The following GRM7 variants were observed in gnomAD, a reference collection of about 807,000 sequenced individuals.
GRM7 encodes metabotropic glutamate receptor 7.
Under a neutral mutation model 84.5 loss-of-function variants are expected in GRM7, and 35 were observed. That is an observed-to-expected ratio of 0.41 (90% confidence interval 0.32 to 0.55). GRM7 has a LOEUF of 0.55. Among genes scored for constraint, GRM7 ranks in the 20% least tolerant of loss-of-function variants. The pLI is 0.19. For synonymous variants in GRM7, 487 were observed against 455.1 expected, an observed-to-expected ratio of 1.07 and a Z score of -0.89; for missense variants, 1,003 against 1,194.6, an observed-to-expected ratio of 0.84 and a Z score of 2.36.
intron 1 of GRM7, among the ~76,000 whole-genome samples, chr3:6,955,405 T>C (rs774285579): frequency 2.3e-4 from 35 of 151,802 alleles, no homozygotes; most frequent in Non-Finnish European, 4.4e-4. Context: ...GGCATGGTGG[T>C]GGGAGCCTGT....
intron 1 of GRM7, among the ~76,000 whole-genome samples, chr3:7,016,247 G>A (rs945733908): frequency 5.3e-5 from 8 of 152,234 alleles, no homozygotes; most frequent in Non-Finnish European, 7.4e-5. Flanking sequence ...CCAGGAGGTC[G>A]GTCTAGGGCT....
intron 8 of GRM7, among the ~76,000 whole-genome samples, chr3:7,651,285 A>AAAAAGTGCTGCTTTTACTTCC (rs1698927547): frequency 6.6e-6 from 1 of 152,198 alleles, no homozygotes; most frequent in African/African-American, 2.4e-5. Flanking sequence ...CCTTGGGGAA[A>AAAAAGTGCTGCTTTTACTTCC]AAAAGTGCTG....
intron 2 of GRM7, among the ~76,000 whole-genome samples, chr3:7,152,123 T>G (rs1694305102): frequency 6.6e-6 from 1 of 152,138 alleles, no homozygotes; most frequent in African/African-American, 2.4e-5. Context: ...AAACTGTAAG[T>G]TCCTCAAGAA....
intron 1 of GRM7, among the ~76,000 whole-genome samples, chr3:7,048,578 C>A (rs1380862271): frequency 2.6e-5 from 4 of 151,524 alleles, no homozygotes; most frequent in African/African-American, 4.8e-5. Flanking sequence ...CTTTACTTCC[C>A]CATTTTTCTC....
At chr3:7,643,435 A>G (rs899238831) in intron 8 of GRM7, among the ~76,000 whole-genome samples, 1 of 152,180 alleles carries the variant, frequency 6.6e-6, no homozygotes, top group African/African-American at 2.4e-5. Flanking sequence ...TCTAAAATAA[A>G]GGTGGCCAGG....
intron 4 of GRM7, among the ~76,000 whole-genome samples, chr3:7,346,685 A>G (rs914761340): frequency 3.4e-5 from 5 of 147,720 alleles, no homozygotes; most frequent in African/African-American, 1.0e-4. Context: ...TAAGTGAACA[A>G]TTAAAGCACC....
At chr3:7,643,762 A>T (rs1254537341) in intron 8 of GRM7, among the ~76,000 whole-genome samples, 1 of 152,102 alleles carries the variant, frequency 6.6e-6, no homozygotes, top group Non-Finnish European at 1.5e-5. Context: ...TCATCATCAC[A>T]ATTATTGTCC....
At chr3:7,081,773 G>T (rs1381593593) in intron 1 of GRM7, among the ~76,000 whole-genome samples, 1 of 152,086 alleles carries the variant, frequency 6.6e-6, no homozygotes, top group Admixed American at 6.6e-5. Flanking sequence ...ATAAATAAGT[G>T]AAACTGCTTT....
intron 1 of GRM7, among the ~76,000 whole-genome samples, chr3:7,013,605 T>A (rs575748393): frequency 6.6e-6 from 1 of 152,312 alleles, no homozygotes; most frequent in East Asian, 1.9e-4. Flanking sequence ...CTCTCTCTTA[T>A]ATGAGTTCGT....
intron 8 of GRM7, among the ~76,000 whole-genome samples, chr3:7,648,245 A>G (rs1329823780): frequency 8.2e-6 from 1 of 122,620 alleles, no homozygotes; most frequent in Admixed American, 7.9e-5. Flanking sequence ...AGTGCTATAA[A>G]TAGTTTTTTT....
At chr3:7,615,799 T>C (rs1697052808) in intron 8 of GRM7, among the ~76,000 whole-genome samples, 1 of 152,128 alleles carries the variant, frequency 6.6e-6, no homozygotes, top group East Asian at 1.9e-4. Flanking sequence ...TTTGGCTTGG[T>C]ACCTTTTCCC....
rs1694810677 is a variant in GRM7 at position 6,862,913 on chromosome 3, C to T, written c.519+1006C>T. On this transcript the variant is annotated intron_variant, in intron 1 of 9. Coordinates refer to ENST00000357716, the MANE Select transcript of GRM7 (RefSeq NM_000844.4). The surrounding 1 kb of genome is among the most constrained non-coding windows in gnomAD (Gnocchi z 5.2). The stretch of plus-strand genomic sequence containing the variant: ...GAGAAAAAATGGGAGGAAGGCGGAT[C>T]CGGGGCCGCTGAGCGGTGGGTTCTG... 1 of 430,662 alleles carries T rather than the reference C, an allele frequency of 2.3e-6. No homozygotes were observed. The highest frequency in any genetic ancestry group is 4.6e-6 in the Non-Finnish European group (1 of 216,230). 26.7% of individuals were successfully genotyped at this position (430,662 alleles called of 1,614,324 possible). A position where few individuals can be genotyped will look rare whatever the true frequency, so the allele number is the denominator to read the frequency against.
chr3:7,588,585 TG>T (rs1380946531), intron 8 of GRM7, among the ~76,000 whole-genome samples: 4 of 152,138 alleles, frequency 2.6e-5, no homozygotes, highest in Admixed American at 6.5e-5. Context: ...ATGATGGTGT[TG>T]GGGAAGATAA....
At chr3:7,338,139 CA>C (rs1254699091) in intron 4 of GRM7, among the ~76,000 whole-genome samples, 4 of 150,626 alleles carry the variant, frequency 2.7e-5, no homozygotes, top group African/African-American at 9.8e-5. Flanking sequence ...CACACACACA[CA>C]CACCCCATGG....
chr3:7,041,594 C>T (rs1279017405), intron 1 of GRM7, among the ~76,000 whole-genome samples: 2 of 152,116 alleles, frequency 1.3e-5, no homozygotes, highest in Admixed American at 1.3e-4. Context: ...ATATTTATGT[C>T]CAGGTCTTCT....
intron 8 of GRM7, among the ~76,000 whole-genome samples, chr3:7,599,951 C>T (rs1443302173): frequency 6.6e-6 from 1 of 152,078 alleles, no homozygotes; most frequent in Non-Finnish European, 1.5e-5. Context: ...ATTTCATTAG[C>T]TATCTTATCA....
intron 2 of GRM7, among the ~76,000 whole-genome samples, chr3:7,210,138 C>A (rs1696373172): frequency 6.6e-6 from 1 of 152,146 alleles, no homozygotes; most frequent in African/African-American, 2.4e-5. Flanking sequence ...TCAACTATTG[C>A]CACATTCTTC....
At chr3:7,012,359 G>A (rs1436469160) in intron 1 of GRM7, among the ~76,000 whole-genome samples, 2 of 152,034 alleles carry the variant, frequency 1.3e-5, no homozygotes, top group Admixed American at 6.5e-5. Context: ...TAAAATCTTC[G>A]CATTTTAAAA....
rs143108069 is a variant in GRM7 at position 7,422,427 on chromosome 3, C to T, written c.1174+7264C>T. Among the ~76,000 whole-genome samples the T allele has an allele frequency of 3.8e-3, 579 of 152,214 alleles. 3 individuals carry two copies. The highest frequency in any genetic ancestry group is 0.013 in the African/African-American group (554 of 41,546). ...AGCTGACTTTTAAAATTATTTAAAA[C>T]GTAAACAGCCACATGTGCCTAGTGG... is the stretch of plus-strand genomic sequence containing the variant. On this transcript the variant is annotated intron_variant, in intron 5 of 9. Coordinates refer to ENST00000357716, the MANE Select transcript of GRM7 (RefSeq NM_000844.4).
Sources: gnomAD v4.1 joint callset for allele counts (sites outside exome capture counted in the v4.1 genomes callset) on GRCh38, gnomAD v4.1.1 for gene constraint, Gnocchi (gnomAD v3.1) non-coding constraint, MANE v1.5 for transcripts, NCBI Gene and HGNC (gene_info 2026-07-23, HGNC 2026-07-21) for gene names.